Variants in SETBP1 observed in about 807,000 individuals in gnomAD.
SETBP1 encodes SET binding protein 1, also known as SET-binding protein.
A neutral mutation model predicts 101.0 loss-of-function variants in SETBP1; 9 were observed. The ratio of observed to expected loss-of-function variants is 0.09; its 90% CI spans 0.05 to 0.16. The LOEUF is 0.16. Ranked by LOEUF, SETBP1 falls within the 10% of genes least tolerant of loss-of-function variation. SETBP1 has a pLI of 1.00. For synonymous variants in SETBP1, 818 were observed against 788.5 expected, an observed-to-expected ratio of 1.04 and a Z score of -0.63; for missense variants, 1,858 against 2,033.8, an observed-to-expected ratio of 0.91 and a Z score of 1.66.
chr18:45,008,287 C>CCCT (rs2072770720), intron 4 of SETBP1, among the ~76,000 whole-genome samples: 1 of 152,102 alleles, frequency 6.6e-6, no homozygotes, highest in South Asian at 2.1e-4. Context: ...TCACGGGGAT[C>CCCT]CTGAGGGGTC....
chr18:44,770,299 C>G (rs1599101872), intron 2 of SETBP1, among the ~76,000 whole-genome samples: 1 of 152,148 alleles, frequency 6.6e-6, no homozygotes, highest in Admixed American at 6.5e-5. Context: ...TGGCTGGGAG[C>G]CTGGAAGAAA....
chr18:44,716,274 G>T (rs1311036622), intron 2 of SETBP1, among the ~76,000 whole-genome samples: 1 of 152,088 alleles, frequency 6.6e-6, no homozygotes, highest in African/African-American at 2.4e-5. Flanking sequence ...AGCTATAAGT[G>T]GGGGATCCCC....
At chr18:44,852,786 T>A (rs35984591) in intron 2 of SETBP1, among the ~76,000 whole-genome samples, 5 of 152,216 alleles carry the variant, frequency 3.3e-5, no homozygotes, top group Admixed American at 6.5e-5. Flanking sequence ...CATGTAAGCA[T>A]CTACCAGCTT....
chr18:45,003,014 C>T (rs1459054701), intron 4 of SETBP1, among the ~76,000 whole-genome samples: 3 of 152,168 alleles, frequency 2.0e-5, no homozygotes, highest in African/African-American at 7.2e-5. Flanking sequence ...TTAAGAAATA[C>T]ACTGATATGT....
At chr18:45,001,208 C>T (rs1287836745) in intron 4 of SETBP1, among the ~76,000 whole-genome samples, 1 of 152,182 alleles carries the variant, frequency 6.6e-6, no homozygotes, top group East Asian at 1.9e-4. Flanking sequence ...AGCTCTTCCA[C>T]TTGTTGAGTA....
chr18:44,776,251 C>T (rs937125858), intron 2 of SETBP1, among the ~76,000 whole-genome samples: 13 of 152,138 alleles, frequency 8.5e-5, no homozygotes, highest in Admixed American at 6.5e-5. Flanking sequence ...GGCTCCACCG[C>T]GCACCCAACC....
At chr18:44,925,424 G>A (rs936184898) in intron 3 of SETBP1, among the ~76,000 whole-genome samples, 3 of 152,110 alleles carry the variant, frequency 2.0e-5, no homozygotes, top group Admixed American at 1.3e-4. Flanking sequence ...TATGATGGGA[G>A]AAATGACTAT....
At chr18:44,774,188 T>C (rs752804253) in intron 2 of SETBP1, among the ~76,000 whole-genome samples, 2 of 152,126 alleles carry the variant, frequency 1.3e-5, no homozygotes, top group Non-Finnish European at 2.9e-5. Flanking sequence ...TTAGGACAGG[T>C]TTTACTGCCT....
At chr18:44,796,769 G>C (rs2071485440) in intron 2 of SETBP1, among the ~76,000 whole-genome samples, 1 of 152,136 alleles carries the variant, frequency 6.6e-6, no homozygotes, top group Admixed American at 6.5e-5. Context: ...TTTTTCTCAA[G>C]TGACATGATT....
At chr18:45,059,502 C>A (rs1339410842) in intron 5 of SETBP1, among the ~76,000 whole-genome samples, 1 of 152,104 alleles carries the variant, frequency 6.6e-6, no homozygotes, top group African/African-American at 2.4e-5. Context: ...CTTCTCCCTG[C>A]CCTGCGATTT....
chr18:44,860,177 A>C (rs1301340642), intron 2 of SETBP1, among the ~76,000 whole-genome samples: 1 of 152,204 alleles, frequency 6.6e-6, no homozygotes, highest in African/African-American at 2.4e-5. Flanking sequence ...GATGAGAAGA[A>C]GAGGAAAGCG....
chr18:44,788,097 A>C (rs2071284369), intron 2 of SETBP1, among the ~76,000 whole-genome samples: 1 of 151,704 alleles, frequency 6.6e-6, no homozygotes, highest in Non-Finnish European at 1.5e-5. Context: ...TGTTAGGTGG[A>C]AAAATTTCTC....
At position 45,038,690 on chromosome 18, in the gene SETBP1, A is replaced by G. The variant is rs1014677991; in HGVS notation, c.4171+35A>G. ...TTTCAGATGCTTTGGGTTCACCCCA[A>G]GCAAGATGAATGTGGAGAAAGCCCA... is the stretch of plus-strand genomic sequence containing the variant. On this transcript the variant is annotated intron_variant, in intron 5 of 5. Transcript: ENST00000649279. 2.5e-6 allele frequency: 4 copies of G among 1,611,374 alleles called. No individual in the cohort carries two copies. The African/African-American group carries it at 4.0e-5, about 16-fold the overall frequency.
At chr18:44,893,951 C>T (rs1380004368) in intron 3 of SETBP1, among the ~76,000 whole-genome samples, 1 of 152,030 alleles carries the variant, frequency 6.6e-6, no homozygotes, top group Non-Finnish European at 1.5e-5. Flanking sequence ...TTTCTTTATG[C>T]TAAGGTTAAA....
chr18:44,780,839 T>C (rs1414623406), intron 2 of SETBP1, among the ~76,000 whole-genome samples: 1 of 152,210 alleles, frequency 6.6e-6, no homozygotes, highest in Non-Finnish European at 1.5e-5. Context: ...TTGGGGGTCA[T>C]GGAGCTCCCT....
At chr18:44,995,415 A>G (rs1345869874) in intron 4 of SETBP1, among the ~76,000 whole-genome samples, 1 of 152,080 alleles carries the variant, frequency 6.6e-6, no homozygotes, top group Non-Finnish European at 1.5e-5. Context: ...TGCTGGGATT[A>G]TAGGCGTGAG....
Position 44,950,207 on chromosome 18 carries a change from G to C in SETBP1, c.867G>C (p.Val289=). Reference sequence around the variant, plus strand: ...ACAAAGATCTGCTCTTGGGAGGTGTGGCTCCATCCCCAAGCAGCCACAGCT... The same window carrying C: ...ACAAAGATCTGCTCTTGGGAGGTGTCGCTCCATCCCCAAGCAGCCACAGCT... ...NNNKDLLLGG[V]APSPSSHSSP... Residue 289 remains valine (V), a synonymous_variant, in exon 4 of 6, where the codon GTG becomes GTC. Coordinates refer to ENST00000649279, the MANE Select transcript of SETBP1 (RefSeq NM_015559.3). 6.2e-7 allele frequency: 1 copy of C among 1,613,898 alleles called. No individual in the cohort carries two copies. Among genetic ancestry groups the C allele is most frequent in the African/African-American group, 1.3e-5 (1 of 75,048 alleles).
At chr18:44,773,689 A>C (rs1476196066) in intron 2 of SETBP1, among the ~76,000 whole-genome samples, 1 of 151,940 alleles carries the variant, frequency 6.6e-6, no homozygotes, top group African/African-American at 2.4e-5. Flanking sequence ...GTAAACAAAA[A>C]CCCAGTCCAA....
intron 3 of SETBP1, among the ~76,000 whole-genome samples, chr18:44,944,455 G>A (rs76360217): frequency 0.12 from 17,619 of 152,132 alleles, 1,200 homozygotes; most frequent in East Asian, 0.28. Flanking sequence ...TTCTCCTGAG[G>A]AGCATGTTAA....
Sources: allele counts gnomAD v4.1 joint callset (sites outside exome capture counted in the v4.1 genomes callset), GRCh38; gene constraint gnomAD v4.1.1; transcripts MANE v1.5; gene names NCBI Gene and HGNC (gene_info 2026-07-23, HGNC 2026-07-21).